The following ATP9B variants were observed in gnomAD, a reference collection of about 807,000 sequenced individuals.
ATP9B encodes the protein probable phospholipid-transporting ATPase IIB.
Under a neutral mutation model 146.1 loss-of-function variants are expected in ATP9B, and 110 were observed. The observed-to-expected ratio is 0.75, with a 90% CI of 0.65 to 0.88. The LOEUF is 0.88. ATP9B is among the 40% of genes least tolerant of loss of function. The pLI is 0.00. For missense variants in ATP9B, 1,499 were observed against 1,496.4 expected, an observed-to-expected ratio of 1.00 and a Z score of -0.03; for synonymous variants, 604 against 569.7, an observed-to-expected ratio of 1.06 and a Z score of -0.86.
At chr18:79,071,012 G>A (rs956384245) in intron 1 of ATP9B, among the ~76,000 whole-genome samples, 45 of 129,142 alleles carry the variant, frequency 3.5e-4, no homozygotes, top group African/African-American at 1.0e-3. Context: ...TATTATCTGT[G>A]TTCTGTTTCT....
At chr18:79,279,015 G>A (rs967343080) in intron 13 of ATP9B, among the ~76,000 whole-genome samples, 20 of 152,344 alleles carry the variant, frequency 1.3e-4, no homozygotes, top group African/African-American at 4.6e-4. Flanking sequence ...ATGGGTGGGA[G>A]AAACGTCCTG....
chr18:79,149,485 A>C (rs1016007443), intron 6 of ATP9B, among the ~76,000 whole-genome samples: 2 of 151,814 alleles, frequency 1.3e-5, no homozygotes, highest in African/African-American at 4.8e-5. Flanking sequence ...AGAAAAAAAA[A>C]ATATTTAGAA....
chr18:79,324,231 A>G (rs771477408), intron 15 of ATP9B, among the ~76,000 whole-genome samples: 2 of 151,948 alleles, frequency 1.3e-5, no homozygotes, highest in Non-Finnish European at 2.9e-5. Flanking sequence ...GTAGTTTGCA[A>G]ATATTTTCTC....
At chr18:79,284,765 TC>T (rs1310856870) in intron 13 of ATP9B, among the ~76,000 whole-genome samples, 1 of 99,672 alleles carries the variant, frequency 1.0e-5, no homozygotes, top group Non-Finnish European at 2.0e-5. Context: ...ATGCTATCCC[TC>T]CCCCCCACCC....
At chr18:79,236,001 G>A (rs117944823) in intron 11 of ATP9B, among the ~76,000 whole-genome samples, 2,930 of 152,128 alleles carry the variant, frequency 0.019, 32 homozygotes, top group Non-Finnish European at 0.033. Flanking sequence ...CTCCTGTAAG[G>A]TGTGTACCGA....
intron 15 of ATP9B, among the ~76,000 whole-genome samples, chr18:79,311,692 G>GT (rs775686296): frequency 8.5e-5 from 13 of 152,128 alleles, no homozygotes; most frequent in Non-Finnish European, 1.9e-4. Context: ...GATGAAAGTG[G>GT]TTTTTTTAAA....
Position 79,253,573 on chromosome 18 carries a change from C to T in ATP9B, c.1268+32C>T, listed in dbSNP as rs549757380. The stretch of plus-strand genomic sequence containing the variant: ...TTAAAAATGAAAATAAAACAAATGT[C>T]TGGTTTCATTGAGTATGATTTTATT... On this transcript the variant is annotated intron_variant, in intron 12 of 29. Transcript: ENST00000426216. 264 of 1,542,498 alleles carry T rather than the reference C, an allele frequency of 1.7e-4. 3 individuals carry two copies. In the South Asian group the frequency reaches 3.1e-3, roughly 18 times the overall value.
chr18:79,263,706 G>C (rs2096169722), intron 12 of ATP9B, among the ~76,000 whole-genome samples: 1 of 152,168 alleles, frequency 6.6e-6, no homozygotes, highest in Non-Finnish European at 1.5e-5. Context: ...GGTTTGGGTT[G>C]CTTCCAGTTT....
At chr18:79,195,264 G>C (rs1376460294) in intron 9 of ATP9B, among the ~76,000 whole-genome samples, 1 of 151,784 alleles carries the variant, frequency 6.6e-6, no homozygotes, top group Admixed American at 6.6e-5. Context: ...ATTATGAATA[G>C]AAGAAACTCA....
chr18:79,173,731 C>T, intron 7 of ATP9B: 1 of 456,034 alleles, frequency 2.2e-6, no homozygotes, highest in Non-Finnish European at 4.4e-6. Context: ...CTGCAGCCAT[C>T]TGGTAAGTCT....
chr18:79,149,489 T>C (rs750549967), intron 6 of ATP9B, among the ~76,000 whole-genome samples: 11 of 151,948 alleles, frequency 7.2e-5, no homozygotes, highest in Non-Finnish European at 1.3e-4. Context: ...AAAAAAAATA[T>C]TTAGAATCTA....
Position 79,307,130 on chromosome 18 carries a change from G to T in ATP9B, c.1669G>T (p.Val557Leu). The part of the protein sequence containing the change: ...AIVLCHNVTP[V>L]YESRAGVTEE... ...CGTGCTGTGTCACAACGTGACCCCC[G>T]TGTATGAGTCTCGGGCCGGCGTTAC... is the stretch of plus-strand genomic sequence containing the variant. Residue 557 changes from valine to leucine, a missense_variant, in exon 15 of 30, where the codon GTG (valine) becomes TTG (leucine). Coordinates refer to ENST00000426216, the MANE Select transcript of ATP9B (RefSeq NM_198531.5). 1.2e-6 allele frequency: 2 copies of T among 1,614,220 alleles called. No individual in the cohort carries two copies. Among genetic ancestry groups the T allele is most frequent in the Non-Finnish European group, 1.7e-6 (2 of 1,180,042 alleles).
intron 26 of ATP9B, among the ~76,000 whole-genome samples, chr18:79,369,137 G>A (rs959166622): frequency 6.6e-6 from 1 of 152,228 alleles, no homozygotes; most frequent in African/African-American, 2.4e-5. Flanking sequence ...TGTTGTTGTT[G>A]TTCTAGTAAG....
chr18:79,276,618 A>G (rs995559831), intron 12 of ATP9B, among the ~76,000 whole-genome samples: 2 of 152,214 alleles, frequency 1.3e-5, no homozygotes, highest in South Asian at 2.1e-4. Flanking sequence ...CCTTGCGGGC[A>G]TATACGGGCA....
At chr18:79,221,934 A>C (rs2095683782) in intron 11 of ATP9B, among the ~76,000 whole-genome samples, 1 of 150,576 alleles carries the variant, frequency 6.6e-6, no homozygotes, top group African/African-American at 2.4e-5. Flanking sequence ...GCTTTAAAAA[A>C]AAAAAAAGAA....
intron 4 of ATP9B, among the ~76,000 whole-genome samples, chr18:79,123,249 A>C (rs942827038): frequency 6.6e-6 from 1 of 152,214 alleles, no homozygotes; most frequent in Non-Finnish European, 1.5e-5. Context: ...ATGAACATAC[A>C]AAAGTCACTT....
chr18:79,292,706 G>A (rs977397543), intron 13 of ATP9B, among the ~76,000 whole-genome samples: 4 of 152,084 alleles, frequency 2.6e-5, no homozygotes, highest in African/African-American at 9.6e-5. Context: ...AGGAATGTGG[G>A]CTGCAGAGTG....
At position 79,163,625 on chromosome 18, in the gene ATP9B, CCTTT is replaced by C. The variant is rs1568308818; in HGVS notation, c.778+9074_778+9077del. On this transcript the variant is annotated intron_variant, in intron 7 of 29. Transcript: ENST00000426216. ...AACTTTAAAATAATATGCACTGCAACCTTTCTTGTACTGCTTCTTAGTTGAAACC... is the reference window on the plus strand; with the variant it reads ...AACTTTAAAATAATATGCACTGCAACCTTGTACTGCTTCTTAGTTGAAACC... 3.2e-3 allele frequency among the ~76,000 whole-genome samples: 492 copies of C among 152,110 alleles called. 6 individuals are homozygous for C. The highest frequency in any genetic ancestry group is 0.011 in the African/African-American group (463 of 41,492).
intron 1 of ATP9B, among the ~76,000 whole-genome samples, chr18:79,084,017 C>G (rs1209022679): frequency 2.0e-5 from 3 of 151,910 alleles, no homozygotes; most frequent in Non-Finnish European, 4.4e-5. Flanking sequence ...TGCCACCATG[C>G]CCGGCTAATT....
Sources: allele counts gnomAD v4.1 joint callset (sites outside exome capture counted in the v4.1 genomes callset), GRCh38; gene constraint gnomAD v4.1.1; transcripts MANE v1.5; gene names NCBI Gene and HGNC (gene_info 2026-07-23, HGNC 2026-07-21).